ELOC: variants seen among roughly 807,000 people sequenced by gnomAD.
ELOC encodes elongin C, also known as elongin-C.
For missense variants in ELOC, 38 were observed against 139.0 expected (o/e 0.27, Z 3.65); for synonymous variants, 40 against 51.3 (o/e 0.78, Z 0.94).
rs1563668282 is a variant in ELOC, at chr8:73,946,829, C to CA, written c.149-10dup. On this transcript the variant is annotated splice_polypyrimidine_tract_variant and intron_variant, in intron 3 of 3. Transcript: ENST00000520242. The stretch of plus-strand genomic sequence containing the variant: ...GTTCTCAGCAAACTGACCTGTAAAA[C>CA]AAAAGAATTATGTATGTTATTGGCT... The CA allele has an allele frequency of 6.2e-7, 1 of 1,603,064 alleles. No homozygotes were observed. The highest frequency in any genetic ancestry group is 8.5e-7 in the Non-Finnish European group (1 of 1,173,058).
At chr8:73,963,166 ATGTTTG>A (rs1175574026) in intron 1 of ELOC, among the ~76,000 whole-genome samples, 13 of 152,262 alleles carry the variant, frequency 8.5e-5, no homozygotes, top group African/African-American at 2.6e-4. Context: ...TTTTTTGTGT[ATGTTTG>A]TGTTTAATAA....
At chr8:73,959,944 C>T in intron 1 of ELOC, 126 bp from the exon 2 acceptor site, 1 of 432,730 alleles carries the variant, frequency 2.3e-6, no homozygotes. Flanking sequence ...ACGAGCTCAC[C>T]ATTCCTACAA....
chr8:73,964,493 T>G (rs1814835657), intron 1 of ELOC: 1 of 152,046 alleles, frequency 6.6e-6, no homozygotes, highest in Non-Finnish European at 1.5e-5. Flanking sequence ...ATACCCTCAC[T>G]GTAGGCAAAG....
intron 3 of ELOC, among the ~76,000 whole-genome samples, chr8:73,954,926 C>T (rs1392837277): frequency 2.1e-5 from 3 of 142,826 alleles, no homozygotes; most frequent in Non-Finnish European, 3.0e-5. Context: ...CCCAGCTACT[C>T]GGGAGGCTGA....
intron 1 of ELOC, among the ~76,000 whole-genome samples, chr8:73,969,200 T>G (rs527747424): frequency 6.6e-6 from 1 of 152,344 alleles, no homozygotes; most frequent in East Asian, 1.9e-4. Context: ...AACTTCTGAT[T>G]TATCAATCTC....
chr8:73,949,978 A>G (rs1399959236), intron 3 of ELOC, among the ~76,000 whole-genome samples: 2 of 152,148 alleles, frequency 1.3e-5, no homozygotes, highest in Non-Finnish European at 2.9e-5. Flanking sequence ...CAGATTCATC[A>G]GAGCCATGTT....
At chr8:73,946,960 T>C (rs1813417449) in intron 3 of ELOC, 140 bp from the exon 4 acceptor site, 2 of 633,282 alleles carry the variant, frequency 3.2e-6, no homozygotes, top group Non-Finnish European at 5.3e-6. Context: ...AAAGAGGTCA[T>C]TAGGGTGGCA....
At chr8:73,970,171 G>A (rs925691191) in intron 1 of ELOC, among the ~76,000 whole-genome samples, 3 of 152,162 alleles carry the variant, frequency 2.0e-5, no homozygotes, top group African/African-American at 4.8e-5. Context: ...GAGCCCAGGA[G>A]GTTGAGGCTA....
At chr8:73,953,238 G>A (rs1444355321) in intron 3 of ELOC, among the ~76,000 whole-genome samples, 1 of 152,124 alleles carries the variant, frequency 6.6e-6, no homozygotes, top group Non-Finnish European at 1.5e-5. Flanking sequence ...CCTGGGAGGT[G>A]GAGGTTGCGG....
chr8:73,964,841 T>G (rs1353390317), intron 1 of ELOC, among the ~76,000 whole-genome samples: 1 of 151,964 alleles, frequency 6.6e-6, no homozygotes. Flanking sequence ...CTGGACAACA[T>G]GGTGGTGAAA....
intron 3 of ELOC, among the ~76,000 whole-genome samples, chr8:73,948,076 C>T (rs1289192152): frequency 6.6e-6 from 1 of 151,762 alleles, no homozygotes; most frequent in Non-Finnish European, 1.5e-5. Context: ...CCAGTAATCC[C>T]AGGTACTCGG....
At chr8:73,957,298 C>T (rs1267047872) in intron 2 of ELOC, among the ~76,000 whole-genome samples, 2 of 151,936 alleles carry the variant, frequency 1.3e-5, no homozygotes, top group East Asian at 3.9e-4. Context: ...ACAGAGTGCA[C>T]AGATGTTACT....
rs537571709 is a variant in ELOC, at chr8:73,970,378, T to C, written c.-51+1699A>G. Among the ~76,000 whole-genome samples, 9 of 152,336 alleles carry C rather than the reference T, an allele frequency of 5.9e-5. No homozygotes were observed. The East Asian group carries it at 9.6e-4, about 16-fold the overall frequency. ...AAATATCACTTTAGAACTTGATGTA[T>C]AGGACTGACTATAACTTCTGGCTGT... is the stretch of plus-strand genomic sequence containing the variant. On this transcript the variant is annotated intron_variant, in intron 1 of 3. Coordinates refer to ENST00000520242, the MANE Select transcript of ELOC (RefSeq NM_005648.4).
chr8:73,958,075 C>G (rs1223987251), intron 2 of ELOC, among the ~76,000 whole-genome samples: 1 of 149,622 alleles, frequency 6.7e-6, no homozygotes, highest in African/African-American at 2.5e-5. Context: ...TGCACCCGGA[C>G]TACTTATTTA....
At chr8:73,951,793 C>CAA (rs1410012640) in intron 3 of ELOC, among the ~76,000 whole-genome samples, 1 of 152,110 alleles carries the variant, frequency 6.6e-6, no homozygotes, top group East Asian at 1.9e-4. Context: ...AAACTTACTA[C>CAA]AAAGCTACAG....
At chr8:73,953,974 T>A (rs1016694208) in intron 3 of ELOC, among the ~76,000 whole-genome samples, 2 of 152,238 alleles carry the variant, frequency 1.3e-5, no homozygotes, top group Non-Finnish European at 1.5e-5. Flanking sequence ...AATTGTGGTG[T>A]ATTCACATCT....
intron 1 of ELOC, among the ~76,000 whole-genome samples, chr8:73,965,562 G>A (rs1238138713): frequency 2.0e-5 from 3 of 152,166 alleles, no homozygotes; most frequent in African/African-American, 2.4e-5. Flanking sequence ...TAAAATTATA[G>A]AACAGGCAAA....
At chr8:73,954,995 T>C (rs547174990) in intron 3 of ELOC, among the ~76,000 whole-genome samples, 19 of 136,220 alleles carry the variant, frequency 1.4e-4, no homozygotes, top group African/African-American at 2.3e-4. Flanking sequence ...GATGGCACCA[T>C]TGCACTCCAG....
chr8:73,971,032 C>CAAAAAAAAAAAAAAAAAAA (rs67188912), intron 1 of ELOC, among the ~76,000 whole-genome samples: 4 of 62,036 alleles, frequency 6.4e-5, no homozygotes, highest in African/African-American at 1.3e-4. Context: ...GACTCCGTCT[C>CAAAAAAAAAAAAAAAAAAA]AAAAAAAAAA....
Sources: gnomAD v4.1 joint callset for allele counts (sites outside exome capture counted in the v4.1 genomes callset) on GRCh38, gnomAD v4.1.1 for gene constraint, MANE v1.5 for transcripts, NCBI Gene and HGNC (gene_info 2026-07-23, HGNC 2026-07-21) for gene names.